The following PLSCR5 variants were observed in gnomAD, a reference collection of about 807,000 sequenced individuals.
The protein encoded by PLSCR5 is phospholipid scramblase family member 5.
In PLSCR5, 44 loss-of-function variants were observed where a neutral mutation model predicts 33.6. The observed-to-expected ratio is 1.31, with a 90% CI of 1.03 to 1.69. The LOEUF (loss-of-function observed/expected upper bound fraction) is 1.69. PLSCR5 is among the 40% of genes most tolerant of loss of function. PLSCR5 has a pLI of 0.00. For synonymous variants in PLSCR5, 148 were observed against 112.3 expected (o/e 1.32, Z -2.01); for missense variants, 375 against 318.7 (o/e 1.18, Z -1.34).
chr3:146,591,757 C>T lies in PLSCR5; in HGVS notation c.578G>A (p.Cys193Tyr), dbSNP rs1239559214. 1.4e-5 allele frequency: 22 copies of T among 1,611,608 alleles called. No individual in the cohort carries two copies. Among genetic ancestry groups the T allele is most frequent in the Non-Finnish European group, 1.8e-5 (21 of 1,178,700 alleles). The change falls in exon 5 of 8, where the codon TGT (cysteine) becomes TAT (tyrosine). Residue 193 changes from cysteine (C) to tyrosine (Y), a missense_variant. Physicochemically the swap from Cys to Tyr is radical, Grantham distance 194. Coordinates refer to ENST00000443512, the MANE Select transcript of PLSCR5 (RefSeq NM_001085420.2). ...ATCGCCAAAACAGCCACATGTCACA[C>T]AAGGACCAACAATTTTCAAAATATC... The part of the protein sequence containing the change: ...KEDILKIVGP[C>Y]VTCGCFGDVD...
intron 2 of PLSCR5, among the ~76,000 whole-genome samples, chr3:146,597,623 T>C (rs2044772708): frequency 6.6e-6 from 1 of 152,210 alleles, no homozygotes; most frequent in Non-Finnish European, 1.5e-5. Flanking sequence ...TTTCCTTAAA[T>C]AGCACATAGC....
chr3:146,579,373 G>C (rs1008476982), intron 7 of PLSCR5, among the ~76,000 whole-genome samples: 10 of 152,084 alleles, frequency 6.6e-5, no homozygotes, highest in Non-Finnish European at 1.2e-4. Context: ...ACAGGAGTAA[G>C]AGTAAATTAT....
Position 146,586,917 on chromosome 3 carries a change from T to G in PLSCR5, c.778-805A>C, listed in dbSNP as rs754694855. 3.0e-4 allele frequency among the ~76,000 whole-genome samples: 46 copies of G among 152,308 alleles called. 1 individual carries two copies. The highest frequency in any genetic ancestry group is 6.0e-4 in the Non-Finnish European group (41 of 68,028). On this transcript the variant is annotated intron_variant, in intron 6 of 7. Coordinates refer to ENST00000443512, the MANE Select transcript of PLSCR5 (RefSeq NM_001085420.2). ...TTGGTAATACATGTAAGAAATAGTT[T>G]TATAAGCTATATTGGCTGGCAAAAA...
At chr3:146,595,353 C>T (rs568457104) in intron 2 of PLSCR5, among the ~76,000 whole-genome samples, 1 of 152,284 alleles carries the variant, frequency 6.6e-6, no homozygotes, top group Admixed American at 6.5e-5. Flanking sequence ...CGCAGTGGCT[C>T]ATGCCTATAA....
intron 5 of PLSCR5, among the ~76,000 whole-genome samples, chr3:146,590,579 T>C (rs566207386): frequency 6.6e-6 from 1 of 152,204 alleles, no homozygotes; most frequent in Non-Finnish European, 1.5e-5. Context: ...AGAGAAACTA[T>C]CACTTTTTTC....
In PLSCR5 at chr3:146,589,715, G is replaced by C. The variant is rs758450471; in HGVS notation, c.715C>G (p.His239Asp). 6.2e-7 allele frequency: 1 copy of C among 1,605,162 alleles called. No individual in the cohort carries two copies. Reference protein sequence around the residue: ...VFTNADNFGIHVPADLDVTVK... With the variant: ...VFTNADNFGIDVPADLDVTVK... The stretch of plus-strand genomic sequence containing the variant: ...GTTACATCTAGATCTGCAGGAACAT[G>C]AATTCCGAAATTGTCAGCATTTGTG... The change falls in exon 6 of 8, where the codon CAT (histidine) becomes GAT (aspartate). Residue 239 changes from histidine (H) to aspartate (D), a missense_variant. Coordinates refer to ENST00000443512, the MANE Select transcript of PLSCR5 (RefSeq NM_001085420.2).
downstream of PLSCR5, among the ~76,000 whole-genome samples, chr3:146,581,274 A>T (rs76506385): frequency 7.9e-3 from 1,208 of 152,346 alleles, 15 homozygotes; most frequent in African/African-American, 0.028. Flanking sequence ...TGAACAAGTA[A>T]TAAGTTCAGC....
chr3:146,601,298 C>A (rs968628344), intron 1 of PLSCR5, among the ~76,000 whole-genome samples: 3 of 151,930 alleles, frequency 2.0e-5, no homozygotes, highest in Non-Finnish European at 4.4e-5. Context: ...TAAATGATAG[C>A]CTTTCTACTA....
At chr3:146,576,584 C>A (rs1291611426) in exon 8 of PLSCR5, 1 of 151,984 alleles carries the variant, frequency 6.6e-6, no homozygotes, top group Non-Finnish European at 1.5e-5. Flanking sequence ...TTTTATATTT[C>A]TCATTTTCTA....
At chr3:146,600,508 T>C in intron 1 of PLSCR5, 45 bp from the exon 2 acceptor site, 1 of 1,474,392 alleles carries the variant, frequency 6.8e-7, no homozygotes, top group Non-Finnish European at 9.1e-7. Context: ...ATTTAGGCCA[T>C]TTTATTTAGT....
At chr3:146,582,806 A>G (rs1409487650), downstream of PLSCR5, among the ~76,000 whole-genome samples, 1 of 152,224 alleles carries the variant, frequency 6.6e-6, no homozygotes, top group Admixed American at 6.5e-5. Flanking sequence ...TGCAGGTCAC[A>G]AGATTTACAA....
chr3:146,588,190 G>A (rs1439207158), intron 6 of PLSCR5, among the ~76,000 whole-genome samples: 1 of 152,054 alleles, frequency 6.6e-6, no homozygotes, highest in Non-Finnish European at 1.5e-5. Flanking sequence ...GCCAATGTCG[G>A]CTGGGCAAGG....
chr3:146,580,468 T>A (rs949795558), intron 7 of PLSCR5, among the ~76,000 whole-genome samples: 2 of 140,412 alleles, frequency 1.4e-5, no homozygotes, highest in Non-Finnish European at 3.1e-5. Context: ...TTTTTTTTTT[T>A]TTTTTTTTTT....
intron 6 of PLSCR5, among the ~76,000 whole-genome samples, chr3:146,588,930 T>C (rs559303307): frequency 6.6e-6 from 1 of 151,706 alleles, no homozygotes; most frequent in South Asian, 2.1e-4. Flanking sequence ...TTATAGAAAA[T>C]ACATGTGTTT....
Position 146,600,278 on chromosome 3 carries a change from A to AT in PLSCR5, c.189+9dup. ...AGAACATATCTGTAGTAATAGAAAG[A>AT]TAAAAACACCTGGCTTAAATATTCT... On this transcript the variant is annotated intron_variant, in intron 2 of 7. Coordinates refer to ENST00000443512, the MANE Select transcript of PLSCR5 (RefSeq NM_001085420.2). 6.5e-7 allele frequency: 1 copy of AT among 1,543,180 alleles called. No individual in the cohort carries two copies. Among genetic ancestry groups the AT allele is most frequent in the Non-Finnish European group, 8.8e-7 (1 of 1,140,828 alleles).
At chr3:146,580,049 G>T (rs2044623277) in intron 7 of PLSCR5, among the ~76,000 whole-genome samples, 1 of 152,192 alleles carries the variant, frequency 6.6e-6, no homozygotes, top group Non-Finnish European at 1.5e-5. Context: ...TTATTTGTTA[G>T]CTACTCTCTA....
intron 6 of PLSCR5, among the ~76,000 whole-genome samples, chr3:146,587,904 A>G (rs2044678398): frequency 6.6e-6 from 1 of 151,916 alleles, no homozygotes; most frequent in Non-Finnish European, 1.5e-5. Flanking sequence ...ATATATATCT[A>G]TGTATTAAAT....
At chr3:146,589,225 C>T (rs10513298) in intron 6 of PLSCR5, among the ~76,000 whole-genome samples, 13,960 of 152,190 alleles carry the variant, frequency 0.092, 861 homozygotes, top group Middle Eastern at 0.16. Flanking sequence ...TCTATGTTCA[C>T]ACTGAGAAGG....
chr3:146,577,786 G>A (rs1261064892), intron 7 of PLSCR5, among the ~76,000 whole-genome samples: 7 of 152,000 alleles, frequency 4.6e-5, no homozygotes, highest in Admixed American at 2.6e-4. Flanking sequence ...ATTACAGAAA[G>A]AACAAAATGA....
Sources: gnomAD v4.1 joint callset for allele counts (sites outside exome capture counted in the v4.1 genomes callset) on GRCh38, gnomAD v4.1.1 for gene constraint, MANE v1.5 for transcripts, NCBI Gene and HGNC (gene_info 2026-07-23, HGNC 2026-07-21) for gene names.